Variants in AKT3 observed in about 807,000 individuals in gnomAD.
AKT3 encodes AKT serine/threonine kinase 3.
A neutral mutation model predicts 65.3 loss-of-function variants in AKT3; 15 were observed. That is an observed-to-expected ratio of 0.23 (90% CI 0.15 to 0.35). The LOEUF (loss-of-function observed/expected upper bound fraction) is 0.35, where lower values mean the gene tolerates loss of function less well. Among genes scored for constraint, AKT3 ranks in the 10% least tolerant of loss-of-function variants. The probability of loss-of-function intolerance (pLI) is 1.00; values close to 1 mark genes in which losing one functional copy is unlikely to be tolerated. For synonymous variants in AKT3, 206 were observed against 183.8 expected (o/e 1.12, Z -0.98); for missense variants, 243 against 576.5 (o/e 0.42, Z 5.92).
chr1:243,794,363 C>A (rs765025563), intron 2 of AKT3: 1 of 152,166 alleles, frequency 6.6e-6, no homozygotes, highest in Non-Finnish European at 1.5e-5. Flanking sequence ...AAATACTATA[C>A]AATGTGATTA....
chr1:243,578,969 T>C (rs1675141105), intron 8 of AKT3, among the ~76,000 whole-genome samples: 1 of 152,162 alleles, frequency 6.6e-6, no homozygotes, highest in South Asian at 2.1e-4. Context: ...AGAATAAGCA[T>C]GTTTGGAAAT....
At chr1:243,734,898 T>C (rs998197119) in intron 2 of AKT3, 2 of 150,962 alleles carry the variant, frequency 1.3e-5, no homozygotes, top group Non-Finnish European at 3.0e-5. Flanking sequence ...TCTACTTAAA[T>C]TTTTTTTACC....
chr1:243,806,551 C>A (rs1692737598), intron 2 of AKT3, among the ~76,000 whole-genome samples: 1 of 152,170 alleles, frequency 6.6e-6, no homozygotes, highest in Admixed American at 6.5e-5. Context: ...TCTTTACATG[C>A]ATATGTGTCT....
At chr1:243,508,543 C>T (rs539808821) in intron 13 of AKT3, among the ~76,000 whole-genome samples, 5 of 152,038 alleles carry the variant, frequency 3.3e-5, no homozygotes, top group African/African-American at 9.7e-5. Context: ...CCCTCAATTG[C>T]GGTGTGCCCT....
intron 2 of AKT3, among the ~76,000 whole-genome samples, chr1:243,763,581 A>G (rs1465111684): frequency 1.3e-5 from 2 of 152,114 alleles, no homozygotes; most frequent in African/African-American, 4.8e-5. Context: ...GGAAGGAGTC[A>G]CAGAGCAGAT....
intron 3 of AKT3, among the ~76,000 whole-genome samples, chr1:243,666,184 A>T (rs1450173596): frequency 1.3e-5 from 2 of 151,992 alleles, no homozygotes; most frequent in East Asian, 3.9e-4. Context: ...TTCTAATTTT[A>T]GTAGAGATGG....
intron 2 of AKT3, among the ~76,000 whole-genome samples, chr1:243,806,790 C>T (rs1485030693): frequency 6.6e-6 from 1 of 152,092 alleles, no homozygotes; most frequent in African/African-American, 2.4e-5. Flanking sequence ...AATATGCATA[C>T]ATGGAACTCA....
intron 3 of AKT3, among the ~76,000 whole-genome samples, chr1:243,673,272 G>A (rs919942032): frequency 6.6e-6 from 1 of 152,060 alleles, no homozygotes; most frequent in Non-Finnish European, 1.5e-5. Flanking sequence ...ACATACATAA[G>A]TATAGGCAAA....
intron 8 of AKT3, among the ~76,000 whole-genome samples, chr1:243,601,593 T>C (rs1202823769): frequency 2.0e-5 from 3 of 152,148 alleles, no homozygotes; most frequent in Non-Finnish European, 4.4e-5. Context: ...AAAATATATA[T>C]TCACACACAG....
chr1:243,490,278 C>T (rs926959317), intron 13 of AKT3, among the ~76,000 whole-genome samples: 2 of 152,220 alleles, frequency 1.3e-5, no homozygotes, highest in African/African-American at 4.8e-5. Context: ...GGTGGAAATG[C>T]CTCTACTGTC....
At chr1:243,547,485 C>G (rs1672755490) in intron 11 of AKT3, among the ~76,000 whole-genome samples, 1 of 152,014 alleles carries the variant, frequency 6.6e-6, no homozygotes, top group South Asian at 2.1e-4. Flanking sequence ...TGGAAGAAAA[C>G]CAAATACGTC....
intron 9 of AKT3, among the ~76,000 whole-genome samples, chr1:243,568,889 A>C (rs1042728543): frequency 3.9e-5 from 6 of 152,210 alleles, no homozygotes; most frequent in Non-Finnish European, 8.8e-5. Flanking sequence ...GCTTGAATGT[A>C]GGCCAGACTA....
intron 3 of AKT3, among the ~76,000 whole-genome samples, chr1:243,684,880 T>C (rs1201892927): frequency 6.6e-6 from 1 of 152,210 alleles, no homozygotes; most frequent in Non-Finnish European, 1.5e-5. Flanking sequence ...TCTCATTGTG[T>C]TTTGATTTGC....
At chr1:243,496,246 TG>T, downstream of AKT3, among the ~76,000 whole-genome samples, 1 of 152,248 alleles carries the variant, frequency 6.6e-6, no homozygotes, top group East Asian at 1.9e-4. Context: ...GATGTGTGGA[TG>T]GGGGCAGGTA....
intron 2 of AKT3, among the ~76,000 whole-genome samples, chr1:243,841,089 AGCACATACACATTATTAGAAACACAT>A (rs1285999474): frequency 6.6e-6 from 1 of 152,148 alleles, no homozygotes; most frequent in East Asian, 1.9e-4. Context: ...TCTCAAAATA[AGCACATACACATTATTAGAAACACAT>A]ACACATACAC....
rs187342272 is a variant in AKT3 at position 243,785,295 on chromosome 1, G to A, written c.46+57830C>T. On this transcript the variant is annotated intron_variant, in intron 2 of 13. Transcript: ENST00000673466. ...GGGTTTCACCGTGTTAGTCAGGATG[G>A]TCTCGATCTCCTGACCTTGCGATCT... 2.7e-3 allele frequency among the ~76,000 whole-genome samples: 401 copies of A among 151,206 alleles called. 2 individuals carry two copies. The highest frequency in any genetic ancestry group is 9.1e-3 in the African/African-American group (376 of 41,162).
At chr1:243,771,499 G>A (rs1690184186) in intron 2 of AKT3, among the ~76,000 whole-genome samples, 1 of 152,070 alleles carries the variant, frequency 6.6e-6, no homozygotes, top group South Asian at 2.1e-4. Context: ...GTTAATTCTT[G>A]CTGTAATAAT....
chr1:243,506,166 A>AC (rs1669653230), intron 13 of AKT3, among the ~76,000 whole-genome samples: 1 of 152,208 alleles, frequency 6.6e-6, no homozygotes, highest in Non-Finnish European at 1.5e-5. Context: ...TGGGCTGAGC[A>AC]CCCGTCAGGC....
intron 2 of AKT3, among the ~76,000 whole-genome samples, chr1:243,814,264 T>C (rs1425688059): frequency 2.0e-5 from 3 of 152,156 alleles, no homozygotes; most frequent in African/African-American, 2.4e-5. Context: ...CATTAGTAAA[T>C]TGATAGAGGG....
Sources: allele counts gnomAD v4.1 joint callset (sites outside exome capture counted in the v4.1 genomes callset), GRCh38; gene constraint gnomAD v4.1.1; transcripts MANE v1.5; gene names NCBI Gene and HGNC (gene_info 2026-07-23, HGNC 2026-07-21).